Variants in USH2A observed in about 807,000 individuals in gnomAD.
The protein encoded by USH2A is usherin, also known as Usher syndrome 2A (autosomal recessive, mild).
USH2A carries 443 observed loss-of-function variants against 538.9 expected under a neutral mutation model. That is an observed-to-expected ratio of 0.82 (90% CI 0.76 to 0.89). The LOEUF (loss-of-function observed/expected upper bound fraction) is 0.89. USH2A is among the 40% of genes least tolerant of loss of function. The pLI, the probability that USH2A is intolerant of heterozygous loss-of-function variation, is 0.00. For synonymous variants in USH2A, 2,413 were observed against 2,273.5 expected (o/e 1.06, Z -1.75); for missense variants, 6,633 against 6,324.8 (o/e 1.05, Z -1.65).
At chr1:216,270,668 T>A (rs1408580349) in intron 11 of USH2A, among the ~76,000 whole-genome samples, 1 of 151,824 alleles carries the variant, frequency 6.6e-6, no homozygotes, top group African/African-American at 2.4e-5. Context: ...CTCTCCCTAA[T>A]CCATTTAATA....
At chr1:215,826,390 G>C (rs17025478) in intron 47 of USH2A, among the ~76,000 whole-genome samples, 9,384 of 152,268 alleles carry the variant, frequency 0.062, 378 homozygotes, top group East Asian at 0.15. Flanking sequence ...AGCATCACTT[G>C]CCAATGGAGA....
At chr1:215,919,891 G>C (rs17025593) in intron 38 of USH2A, among the ~76,000 whole-genome samples, 6,107 of 152,012 alleles carry the variant, frequency 0.04, 136 homozygotes, top group Middle Eastern at 0.065. Flanking sequence ...CAATAGAACT[G>C]TATCTGGCCA....
intron 4 of USH2A, among the ~76,000 whole-genome samples, chr1:216,336,006 T>C (rs184912673): frequency 1.2e-4 from 18 of 151,584 alleles, no homozygotes; most frequent in African/African-American, 4.1e-4. Flanking sequence ...TGAATACAGA[T>C]GCAAAAGTCT....
rs141839752 is a variant in USH2A at position 215,849,508 on chromosome 1, A to G, written c.8846-3475T>C. On this transcript the variant is annotated intron_variant, in intron 44 of 71. Coordinates refer to ENST00000307340, the MANE Select transcript of USH2A (RefSeq NM_206933.4). ...AAGGACATCAGTGAAAGTAAAAATT[A>G]TAGACATCGAGAACAGAAAAAGTCT... Among the ~76,000 whole-genome samples the G allele has an allele frequency of 4.2e-3, 638 of 152,342 alleles. 1 individual carries two copies. The highest frequency in any genetic ancestry group is 9.1e-3 in the South Asian group (44 of 4,828).
intron 11 of USH2A, among the ~76,000 whole-genome samples, chr1:216,283,011 G>C (rs746675083): frequency 1.3e-5 from 2 of 152,086 alleles, no homozygotes; most frequent in Admixed American, 1.3e-4. Flanking sequence ...AGATTGTTCA[G>C]TGCAAATATA....
At chr1:215,860,403 A>C (rs1571756076) in intron 44 of USH2A, among the ~76,000 whole-genome samples, 1 of 141,782 alleles carries the variant, frequency 7.1e-6, no homozygotes, top group Admixed American at 7.8e-5. Context: ...TTGTACATTT[A>C]TTTGATTGGG....
chr1:215,630,030 C>G, intron 70 of USH2A: 1 of 491,672 alleles, frequency 2.0e-6, no homozygotes, highest in Non-Finnish European at 4.0e-6. Context: ...CCGCCTCGGC[C>G]TCCCATTTCT....
At chr1:215,749,663 G>A (rs1247580064) in intron 58 of USH2A, among the ~76,000 whole-genome samples, 4 of 152,194 alleles carry the variant, frequency 2.6e-5, no homozygotes, top group Admixed American at 2.6e-4. Context: ...GAAGCCACAC[G>A]ACTTGGTTAG....
intron 14 of USH2A, among the ~76,000 whole-genome samples, chr1:216,220,319 C>T (rs558153922): frequency 2.0e-5 from 3 of 150,660 alleles, no homozygotes; most frequent in Non-Finnish European, 4.4e-5. Context: ...AGCTATGTTC[C>T]AGGACTGGAA....
At chr1:215,954,503 G>A (rs1667013146) in intron 37 of USH2A, among the ~76,000 whole-genome samples, 1 of 140,346 alleles carries the variant, frequency 7.1e-6, no homozygotes, top group Non-Finnish European at 1.5e-5. Flanking sequence ...TCATAGGTGG[G>A]AATTGAACAA....
At chr1:216,100,183 C>G (rs1418519796) in intron 21 of USH2A, among the ~76,000 whole-genome samples, 2 of 152,254 alleles carry the variant, frequency 1.3e-5, no homozygotes, top group African/African-American at 4.8e-5. Flanking sequence ...ATGACATAAT[C>G]TTTTTCAGTT....
intron 61 of USH2A, among the ~76,000 whole-genome samples, chr1:215,697,034 C>G (rs1347489259): frequency 6.6e-6 from 1 of 151,980 alleles, no homozygotes; most frequent in African/African-American, 2.4e-5. Flanking sequence ...TTCACTGCAG[C>G]CTTGACCTCC....
chr1:215,999,689 C>T (rs190608489), intron 33 of USH2A, among the ~76,000 whole-genome samples: 147 of 152,194 alleles, frequency 9.7e-4, no homozygotes, highest in Middle Eastern at 6.8e-3. Flanking sequence ...ACACCTGAGT[C>T]GTGGGAAATC....
chr1:215,663,521 T>C (rs1657508861), intron 64 of USH2A, among the ~76,000 whole-genome samples: 1 of 152,154 alleles, frequency 6.6e-6, no homozygotes, highest in Admixed American at 6.6e-5. Flanking sequence ...GTGGTTGGTG[T>C]GTGTAGCGTG....
chr1:215,684,040 C>T (rs942496426), intron 61 of USH2A, among the ~76,000 whole-genome samples: 2 of 152,202 alleles, frequency 1.3e-5, no homozygotes, highest in Non-Finnish European at 2.9e-5. Flanking sequence ...AAATATTTTA[C>T]TAGGAATAAT....
At chr1:215,647,389 T>G in intron 67 of USH2A, 133 bp downstream of exon 67, 2 of 1,109,582 alleles carry the variant, frequency 1.8e-6, no homozygotes, top group South Asian at 1.3e-5. Flanking sequence ...TCCTCATCAA[T>G]GCTTCAGTAA....
At chr1:216,209,947 T>C (rs1443930175) in intron 15 of USH2A, among the ~76,000 whole-genome samples, 2 of 152,146 alleles carry the variant, frequency 1.3e-5, no homozygotes, top group African/African-American at 4.8e-5. Context: ...ACTAAAAATA[T>C]ACTCTAATGT....
intron 47 of USH2A, among the ~76,000 whole-genome samples, chr1:215,825,888 C>T (rs1040768302): frequency 6.6e-6 from 1 of 152,116 alleles, no homozygotes; most frequent in African/African-American, 2.4e-5. Context: ...AAATGCAAAA[C>T]CCATGTTCTT....
chr1:215,744,028 T>C (rs185445144), intron 58 of USH2A, among the ~76,000 whole-genome samples: 3 of 152,298 alleles, frequency 2.0e-5, no homozygotes, highest in Admixed American at 2.0e-4. Flanking sequence ...TTAAAACATA[T>C]AAGGCAATTA....
Sources: allele counts gnomAD v4.1 joint callset (sites outside exome capture counted in the v4.1 genomes callset), GRCh38; gene constraint gnomAD v4.1.1; transcripts MANE v1.5; gene names NCBI Gene and HGNC (gene_info 2026-07-23, HGNC 2026-07-21).